Variants in TMEM156 observed in about 807,000 individuals in gnomAD.
The protein encoded by TMEM156 is transmembrane protein 156.
Under a neutral mutation model 30.5 loss-of-function variants are expected in TMEM156, and 28 were observed. The observed-to-expected ratio is 0.92, with a 90% CI of 0.68 to 1.26. The LOEUF (loss-of-function observed/expected upper bound fraction) is 1.26. Among genes scored for constraint, TMEM156 ranks in the 50% most tolerant of loss-of-function variants. The pLI is 0.00. For missense variants in TMEM156, 351 were observed against 340.6 expected (o/e 1.03, Z -0.24); for synonymous variants, 137 against 119.9 (o/e 1.14, Z -0.93).
chr4:39,015,956 C>G (rs978378027), intron 1 of TMEM156, among the ~76,000 whole-genome samples: 1 of 152,164 alleles, frequency 6.6e-6, no homozygotes, highest in Admixed American at 6.5e-5. Flanking sequence ...CCACGTGGAA[C>G]TGTGAGTCCA....
chr4:39,023,124 G>A lies in TMEM156; in HGVS notation c.88+9102C>T, dbSNP rs973730094. On this transcript the variant is annotated intron_variant, in intron 1 of 6. Coordinates refer to ENST00000381938, the MANE Select transcript of TMEM156 (RefSeq NM_024943.3). ...TGTCCTTATAAGAAGAGACCAGAGAGGTAACTAGTCCATCCTGTAAGAATA... is the reference window on the plus strand; with the variant it reads ...TGTCCTTATAAGAAGAGACCAGAGAAGTAACTAGTCCATCCTGTAAGAATA... Among the ~76,000 whole-genome samples, 14 of 152,286 alleles carry A rather than the reference G, an allele frequency of 9.2e-5. No homozygotes were observed. In the East Asian group the frequency reaches 2.3e-3, roughly 25 times the overall value.
chr4:38,984,025 G>GAT (rs1378238458), intron 5 of TMEM156, among the ~76,000 whole-genome samples: 1 of 152,158 alleles, frequency 6.6e-6, no homozygotes, highest in African/African-American at 2.4e-5. Flanking sequence ...GTGTGAAGAC[G>GAT]ATAGTTAAAT....
intron 2 of TMEM156, among the ~76,000 whole-genome samples, chr4:38,997,150 C>A (rs1465575480): frequency 1.3e-5 from 2 of 152,318 alleles, no homozygotes; most frequent in Non-Finnish European, 2.9e-5. Flanking sequence ...GAGCTACCAA[C>A]CCTTAAAACA....
chr4:39,001,491 A>G (rs1273326825), intron 1 of TMEM156, among the ~76,000 whole-genome samples: 7 of 151,434 alleles, frequency 4.6e-5, no homozygotes, highest in Non-Finnish European at 1.5e-5. Context: ...GGCAAAATAT[A>G]TTTTTAAGAT....
chr4:39,001,541 C>T (rs73238504), intron 1 of TMEM156, among the ~76,000 whole-genome samples: 38,717 of 144,406 alleles, frequency 0.27, 5,534 homozygotes, highest in East Asian at 0.44. Flanking sequence ...ATTACTTCTT[C>T]TTTTTTTTTT....
intron 1 of TMEM156, among the ~76,000 whole-genome samples, chr4:39,014,592 C>T (rs1177317390): frequency 1.3e-5 from 2 of 151,932 alleles, no homozygotes; most frequent in Non-Finnish European, 2.9e-5. Context: ...AACCCTGTCT[C>T]TAATAAAAAT....
chr4:39,009,878 G>T (rs1170191248), intron 1 of TMEM156, among the ~76,000 whole-genome samples: 1 of 152,060 alleles, frequency 6.6e-6, no homozygotes, highest in Non-Finnish European at 1.5e-5. Flanking sequence ...ATTCAACAAA[G>T]TACTGGAAGT....
chr4:38,976,074 G>T (rs1261158237), intron 5 of TMEM156, among the ~76,000 whole-genome samples: 1 of 151,892 alleles, frequency 6.6e-6, no homozygotes, highest in Non-Finnish European at 1.5e-5. Context: ...ATCACCCGAG[G>T]TCAGGAGATC....
At chr4:39,029,060 G>GA in intron 1 of TMEM156, among the ~76,000 whole-genome samples, 1 of 152,250 alleles carries the variant, frequency 6.6e-6, no homozygotes, top group East Asian at 1.9e-4. Flanking sequence ...CATTCTTGAT[G>GA]AAAAATTATC....
Position 38,988,852 on chromosome 4 carries a change from C to T in TMEM156, c.738G>A (p.Gln246=), listed in dbSNP as rs377474867. Residue 246 remains glutamine (Q), a splice_region_variant and synonymous_variant, in exon 4 of 7, where the codon CAG becomes CAA. Coordinates refer to ENST00000381938, the MANE Select transcript of TMEM156 (RefSeq NM_024943.3). ...CGGCACTACAGGGATTATACTTACT[C>T]TGCCACTTTTGCACTCTTCTCTGGC... The part of the protein sequence containing the change: ...LEGQRRVQKW[Q]SHRDKPTSVL... 3 of 1,614,010 alleles carry T rather than the reference C, an allele frequency of 1.9e-6. No individual in the cohort carries two copies. The highest frequency in any genetic ancestry group is 2.5e-6 in the Non-Finnish European group (3 of 1,179,946).
intron 1 of TMEM156, among the ~76,000 whole-genome samples, chr4:39,001,214 CAA>C (rs34945666): frequency 7.5e-4 from 86 of 115,058 alleles, no homozygotes; most frequent in East Asian, 2.2e-3. Flanking sequence ...ACTAAAAATA[CAA>C]AAAAAAAAAA....
chr4:38,992,702 T>TATATATATA (rs1560366780), intron 3 of TMEM156, among the ~76,000 whole-genome samples: 2 of 48,764 alleles, frequency 4.1e-5, no homozygotes, highest in Admixed American at 2.1e-4. Context: ...TATTATATAA[T>TATATATATA]ATATATATAT....
intron 2 of TMEM156, among the ~76,000 whole-genome samples, chr4:38,994,914 G>A (rs1351191807): frequency 1.3e-5 from 2 of 151,984 alleles, no homozygotes; most frequent in African/African-American, 2.4e-5. Context: ...CTCCAGCCTG[G>A]GTAACAGAAG....
rs555653814 is a variant in TMEM156, at chr4:38,992,559, G to A, written c.619+1179C>T. ...ATCTGTACCTCACCCTATCTTCACA[G>A]CATTACAGCAAACTCCCATTTCATC... On this transcript the variant is annotated intron_variant, in intron 3 of 6. Coordinates refer to ENST00000381938, the MANE Select transcript of TMEM156 (RefSeq NM_024943.3). Among the ~76,000 whole-genome samples, 3 of 150,456 alleles carry A rather than the reference G, an allele frequency of 2.0e-5. No homozygotes were observed. The South Asian group carries it at 6.3e-4, about 31-fold the overall frequency.
intron 1 of TMEM156, among the ~76,000 whole-genome samples, chr4:39,011,324 T>G (rs1183237368): frequency 6.6e-6 from 1 of 152,246 alleles, no homozygotes; most frequent in East Asian, 1.9e-4. Flanking sequence ...TCAGGCCCTG[T>G]GGAAAGCAGT....
chr4:38,991,937 C>T (rs1467308195), intron 3 of TMEM156, among the ~76,000 whole-genome samples: 1 of 152,138 alleles, frequency 6.6e-6, no homozygotes, highest in African/African-American at 2.4e-5. Flanking sequence ...TACTCAGATC[C>T]TCTTCCATAG....
chr4:39,011,115 C>A (rs1714085346), intron 1 of TMEM156, among the ~76,000 whole-genome samples: 1 of 152,140 alleles, frequency 6.6e-6, no homozygotes, highest in South Asian at 2.1e-4. Flanking sequence ...TGAACAGACA[C>A]TTCTCAAGAT....
chr4:38,987,242 A>T (rs1322328713), intron 4 of TMEM156, among the ~76,000 whole-genome samples: 2 of 152,238 alleles, frequency 1.3e-5, no homozygotes, highest in Admixed American at 6.5e-5. Context: ...CCTACATCTT[A>T]GTTCTGACAT....
chr4:39,003,613 A>G (rs2109996374), intron 1 of TMEM156, among the ~76,000 whole-genome samples: 1 of 151,400 alleles, frequency 6.6e-6, no homozygotes, highest in African/African-American at 2.4e-5. Context: ...GGATCTTAAT[A>G]TATTTATAAT....
Sources: gnomAD v4.1 joint callset for allele counts (sites outside exome capture counted in the v4.1 genomes callset) on GRCh38, gnomAD v4.1.1 for gene constraint, MANE v1.5 for transcripts, NCBI Gene and HGNC (gene_info 2026-07-23, HGNC 2026-07-21) for gene names.